TMIE: variants seen among roughly 807,000 people sequenced by gnomAD.
TMIE encodes transmembrane inner ear.
In TMIE, 14 loss-of-function variants were observed where a neutral mutation model predicts 16.8. The ratio of observed to expected loss-of-function variants is 0.83; its 90% CI spans 0.55 to 1.30. TMIE has a LOEUF of 1.30. TMIE is among the 50% of genes most tolerant of loss of function. The pLI is 0.00. For synonymous variants in TMIE, 75 were observed against 87.2 expected, an observed-to-expected ratio of 0.86 and a Z score of 0.78; for missense variants, 204 against 205.9, an observed-to-expected ratio of 0.99 and a Z score of 0.06.
At chr3:46,702,860 G>T (rs1010409802) in intron 1 of TMIE, among the ~76,000 whole-genome samples, 2 of 152,128 alleles carry the variant, frequency 1.3e-5, no homozygotes, top group Non-Finnish European at 2.9e-5. Flanking sequence ...AGCTATGCTG[G>T]CTTGAGCCCT....
chr3:46,709,601 GA>G lies in TMIE; in HGVS notation c.386del (p.Lys129ArgfsTer13). The G allele has an allele frequency of 6.2e-7, 1 of 1,613,794 alleles. No individual in the cohort carries two copies. Among genetic ancestry groups the G allele is most frequent in the Non-Finnish European group, 8.5e-7 (1 of 1,179,868 alleles). ...PGEDKKKKKKKKKDSVDTVAI... is the reference protein window; with the variant it reads ...PGEDKKKKKKXKKDSVDTVAI... ...CAGAGGATAAGAAGAAGAAGAAGAAGAAGAAGAAGGACAGTGTGGACACAGT... is the reference window on the plus strand; with the variant it reads ...CAGAGGATAAGAAGAAGAAGAAGAAGAGAAGAAGGACAGTGTGGACACAGT... On this transcript the variant is annotated frameshift_variant, in exon 4 of 4. Transcript: ENST00000643606. LOFTEE classifies it high-confidence loss of function.
intron 2 of TMIE, among the ~76,000 whole-genome samples, chr3:46,706,115 G>T (rs1247188309): frequency 1.3e-5 from 2 of 152,232 alleles, no homozygotes; most frequent in Non-Finnish European, 2.9e-5. Flanking sequence ...TATTCTGCAG[G>T]ACCCAGGGAG....
chr3:46,710,322 A>T lies in TMIE; in HGVS notation c.*634A>T, dbSNP rs1470457900. 6.2e-6 allele frequency: 1 copy of T among 162,310 alleles called. No individual in the cohort carries two copies. The highest frequency in any genetic ancestry group is 2.4e-5 in the African/African-American group (1 of 41,640). 10.1% of individuals were successfully genotyped at this position (162,310 alleles called of 1,614,324 possible). On this transcript the variant is annotated 3_prime_UTR_variant, in exon 4 of 4. Coordinates refer to ENST00000643606, the MANE Select transcript of TMIE (RefSeq NM_147196.3). Reference sequence around the variant, plus strand: ...AAGCTCAAGGCAATGGGCTACCCTCATTTCACACGTTGTGATGAAGCTGAG... The same window carrying T: ...AAGCTCAAGGCAATGGGCTACCCTCTTTTCACACGTTGTGATGAAGCTGAG...
intron 2 of TMIE, 52 bp downstream of exon 2, chr3:46,705,959 C>A (rs768919364): frequency 6.4e-7 from 1 of 1,551,480 alleles, no homozygotes; most frequent in South Asian, 1.1e-5. Context: ...GAACACAGCA[C>A]CCCCTGCCCC....
chr3:46,696,557 C>A (rs368347139), upstream of TMIE, among the ~76,000 whole-genome samples: 63 of 152,296 alleles, frequency 4.1e-4, no homozygotes, highest in African/African-American at 1.4e-3. Flanking sequence ...CTCCCACCCC[C>A]ACCCTAGGCT....
upstream of TMIE, among the ~76,000 whole-genome samples, chr3:46,699,384 C>T (rs1231865774): frequency 1.3e-5 from 2 of 152,134 alleles, no homozygotes; most frequent in African/African-American, 4.8e-5. Flanking sequence ...TGGTGTTTCT[C>T]ATACATTTGT....
rs546274226 is a variant in TMIE at position 46,710,584 on chromosome 3, A to G, written c.*896A>G. ...CTGGGAGGTCCCAGGGCCCTAGAAGATCACAGCAGGGCCTTCTGCCTGCTG... is the reference window on the plus strand; with the variant it reads ...CTGGGAGGTCCCAGGGCCCTAGAAGGTCACAGCAGGGCCTTCTGCCTGCTG... On this transcript the variant is annotated 3_prime_UTR_variant, in exon 4 of 4. Coordinates refer to ENST00000643606, the MANE Select transcript of TMIE (RefSeq NM_147196.3). 1 of 152,386 alleles carries G rather than the reference A, an allele frequency of 6.6e-6. No individual in the cohort carries two copies. The highest frequency in any genetic ancestry group is 2.1e-4 in the South Asian group (1 of 4,834). 9.4% of individuals were successfully genotyped at this position (152,386 alleles called of 1,614,324 possible). A position where few individuals can be genotyped will look rare whatever the true frequency, so the allele number is the denominator to read the frequency against.
chr3:46,704,863 T>A (rs933564236), intron 1 of TMIE, among the ~76,000 whole-genome samples: 1 of 151,682 alleles, frequency 6.6e-6, no homozygotes, highest in Non-Finnish European at 1.5e-5. Flanking sequence ...GTGGACCATG[T>A]CCCCTAGACA....
intron 1 of TMIE, among the ~76,000 whole-genome samples, chr3:46,695,082 C>G (rs1482114049): frequency 6.6e-6 from 1 of 152,214 alleles, no homozygotes; most frequent in Non-Finnish European, 1.5e-5. Context: ...CCCTCCACCC[C>G]CAGGCTCCGG....
chr3:46,696,918 C>T (rs1700416197), upstream of TMIE, among the ~76,000 whole-genome samples: 1 of 152,090 alleles, frequency 6.6e-6, no homozygotes, highest in Non-Finnish European at 1.5e-5. Context: ...ATGATGGGCC[C>T]AACTGATTTT....
At chr3:46,696,364 C>T (rs558551056) in intron 1 of TMIE, among the ~76,000 whole-genome samples, 66 of 152,344 alleles carry the variant, frequency 4.3e-4, no homozygotes, top group African/African-American at 1.4e-3. Context: ...ATGCAGAATG[C>T]ACATGCACTC....
At chr3:46,693,961 C>A (rs1351073010), upstream of TMIE, among the ~76,000 whole-genome samples, 1 of 152,034 alleles carries the variant, frequency 6.6e-6, no homozygotes, top group East Asian at 1.9e-4. Flanking sequence ...CCCTACGCAC[C>A]CACGCGCACA....
rs368338462 is a variant in TMIE, at chr3:46,702,989, C to T, written c.93+1409C>T. 3.3e-5 allele frequency among the ~76,000 whole-genome samples: 5 copies of T among 152,296 alleles called. No individual in the cohort carries two copies. The East Asian group carries it at 9.6e-4, about 29-fold the overall frequency. On this transcript the variant is annotated intron_variant, in intron 1 of 3. Coordinates refer to ENST00000643606, the MANE Select transcript of TMIE (RefSeq NM_147196.3). ...TTAAGTCAGTTCTCAGCCAAGGACT[C>T]TTCTCCCTCACCCCCAGGAACTCAT...
upstream of TMIE, chr3:46,693,795 G>C (rs1164046862): frequency 6.6e-6 from 1 of 151,842 alleles, no homozygotes; most frequent in Non-Finnish European, 1.5e-5. Flanking sequence ...TGGAGTTGCG[G>C]GGGCCACGGG....
At position 46,710,477 on chromosome 3, in the gene TMIE, C is replaced by G. The variant is rs1700608235; in HGVS notation, c.*789C>G. 1 of 152,722 alleles carries G rather than the reference C, an allele frequency of 6.5e-6. No individual in the cohort carries two copies. The highest frequency in any genetic ancestry group is 2.4e-5 in the African/African-American group (1 of 41,460). The allele number at this position is 152,722 out of a possible 1,614,324, so 9.5% of individuals were successfully genotyped here. Reference sequence around the variant, plus strand: ...GCCGGAAAGAGAGCTGGAGTCTGGGCTCCTCTTGGGAATCAGAGTATATTT... The same window carrying G: ...GCCGGAAAGAGAGCTGGAGTCTGGGGTCCTCTTGGGAATCAGAGTATATTT... On this transcript the variant is annotated 3_prime_UTR_variant, in exon 4 of 4. Coordinates refer to ENST00000643606, the MANE Select transcript of TMIE (RefSeq NM_147196.3).
chr3:46,709,265 A>C lies in TMIE; in HGVS notation c.351A>C (p.Glu117Asp), dbSNP rs752079274. ...ETVPPLNELT[E>D]VPGEDKKKKK... ...TGCCACCCCTCAATGAGCTCACAGA[A>C]GTCCCAGGAGGTGAGTTGGCCCTGG... is the stretch of plus-strand genomic sequence containing the variant. The change falls in exon 3 of 4, where the codon GAA becomes GAC. Residue 117 changes from glutamate to aspartate, a missense_variant. Glu to Asp is a conservative substitution (Grantham distance 45, BLOSUM62 2). Coordinates refer to ENST00000643606, the MANE Select transcript of TMIE (RefSeq NM_147196.3). The C allele has an allele frequency of 1.2e-6, 2 of 1,614,062 alleles. No individual in the cohort carries two copies. Among genetic ancestry groups the C allele is most frequent in the East Asian group, 4.5e-5 (2 of 44,876 alleles).
rs956242574 is a variant in TMIE at position 46,701,803 on chromosome 3, C to T, written c.93+223C>T. Among the ~76,000 whole-genome samples the T allele has an allele frequency of 4.6e-5, 7 of 152,188 alleles. No homozygotes were observed. Among genetic ancestry groups the T allele is most frequent in the Admixed American group, 2.0e-4 (3 of 15,284 alleles). On this transcript the variant is annotated intron_variant, in intron 1 of 3. Coordinates refer to ENST00000643606, the MANE Select transcript of TMIE (RefSeq NM_147196.3). This position sits in a 1 kb window ranked among gnomAD's most constrained non-coding sequence, Gnocchi z 4.3. ...TGGTCTGATGGAAGGGCACAGTACC[C>T]GATTTCTGGAACATTAGTCTGACGG... is the stretch of plus-strand genomic sequence containing the variant.
intron 1 of TMIE, among the ~76,000 whole-genome samples, chr3:46,704,480 T>TCCCTAGATGCCCAGGGCAGGACCGTGTC (rs1351193282): frequency 8.3e-6 from 1 of 120,290 alleles, no homozygotes; most frequent in African/African-American, 3.3e-5. Context: ...CAGGACCATG[T>TCCCTAGATGCCCAGGGCAGGACCGTGTC]CCCTAGATGC....
At chr3:46,705,277 T>A (rs916961865) in intron 1 of TMIE, among the ~76,000 whole-genome samples, 1 of 152,168 alleles carries the variant, frequency 6.6e-6, no homozygotes, top group Non-Finnish European at 1.5e-5. Flanking sequence ...GAGTGACTCC[T>A]AGTAGGGTAG....
Sources: gnomAD v4.1 joint callset for allele counts (sites outside exome capture counted in the v4.1 genomes callset) on GRCh38, gnomAD v4.1.1 for gene constraint, Gnocchi (gnomAD v3.1) non-coding constraint, MANE v1.5 for transcripts, NCBI Gene and HGNC (gene_info 2026-07-23, HGNC 2026-07-21) for gene names.